The following GRIK4 variants were observed in gnomAD, a reference collection of about 807,000 sequenced individuals.
GRIK4 encodes glutamate ionotropic receptor kainate type subunit 4, also known as glutamate receptor ionotropic, kainate 4.
Under a neutral mutation model 104.9 loss-of-function variants are expected in GRIK4, and 40 were observed. The observed-to-expected ratio is 0.38, with a 90% CI of 0.30 to 0.50. The LOEUF is 0.50. GRIK4 is among the 20% of genes least tolerant of loss of function. The pLI, the probability that GRIK4 is intolerant of heterozygous loss-of-function variation, is 0.93. For missense variants in GRIK4, 1,047 were observed against 1,308.1 expected, an observed-to-expected ratio of 0.80 and a Z score of 3.08; for synonymous variants, 485 against 524.9, an observed-to-expected ratio of 0.92 and a Z score of 1.04.
rs1197479132 is a variant in GRIK4 at position 120,555,281 on chromosome 11, T to G, written c.-159+43394T>G. 6.6e-6 allele frequency among the ~76,000 whole-genome samples: 1 copy of G among 152,180 alleles called. No individual in the cohort carries two copies. The highest frequency in any genetic ancestry group is 1.5e-5 in the Non-Finnish European group (1 of 68,020). On this transcript the variant is annotated intron_variant, in intron 1 of 20. Transcript: ENST00000527524. This position sits in a 1 kb window ranked among gnomAD's most constrained non-coding sequence, Gnocchi z 5.3. ...AGCAAGTGGCTTCCTGTTTATGCAT[T>G]AGGTCTGGGAGCTCTCATTACTGGC...
At position 120,986,024 on chromosome 11, in the gene GRIK4, C is replaced by A. The variant is rs1409285926; in HGVS notation, c.2635C>A (p.Arg879Ser). 6.6e-7 allele frequency: 1 copy of A among 1,525,130 alleles called. No individual in the cohort carries two copies. Among genetic ancestry groups the A allele is most frequent in the Non-Finnish European group, 8.8e-7 (1 of 1,137,532 alleles). The allele number at this position is 1,525,130 out of a possible 1,614,324, so 94.5% of individuals were successfully genotyped here. A position where few individuals can be genotyped will look rare whatever the true frequency, so the allele number is the denominator to read the frequency against. Reference protein sequence around the residue: ...PPPRPPIPEERRPRGTATLSN... With the variant: ...PPPRPPIPEESRPRGTATLSN... ...GCCCCGGCCCCCCATCCCCGAGGAG[C>A]GCCGACCGCGGGGCACGGCGACGCT... The change falls in exon 21 of 21, where the codon CGC becomes AGC. Residue 879 changes from arginine to serine, a missense_variant. Transcript: ENST00000527524.
intron 14 of GRIK4, among the ~76,000 whole-genome samples, chr11:120,951,735 C>A (rs1001541915): frequency 1.1e-4 from 17 of 152,202 alleles, no homozygotes; most frequent in African/African-American, 4.1e-4. Flanking sequence ...AGAGAATATG[C>A]CCTGTCTCCA....
rs540427702 is a variant in GRIK4, at chr11:120,604,841, C to G, written c.-158-48844C>G. Among the ~76,000 whole-genome samples, 5 of 152,280 alleles carry G rather than the reference C, an allele frequency of 3.3e-5. No individual in the cohort carries two copies. In the South Asian group the frequency reaches 1.0e-3, roughly 32 times the overall value. ...CTTGCCTCAGACTTACTTGGAATGG[C>G]CAGAAGTGGGGCCTGGAAGTCTGAT... On this transcript the variant is annotated intron_variant, in intron 1 of 20. Coordinates refer to ENST00000527524, the MANE Select transcript of GRIK4 (RefSeq NM_014619.5).
At chr11:120,882,136 G>A (rs77353111) in intron 11 of GRIK4, among the ~76,000 whole-genome samples, 3,386 of 152,204 alleles carry the variant, frequency 0.022, 113 homozygotes, top group African/African-American at 0.076. Context: ...CCCGGCATCT[G>A]TGCCCTTGAC....
At chr11:120,817,320 C>G (rs1488475000) in intron 5 of GRIK4, among the ~76,000 whole-genome samples, 1 of 152,236 alleles carries the variant, frequency 6.6e-6, no homozygotes, top group Non-Finnish European at 1.5e-5. Context: ...AACTCCTCTG[C>G]CCCTGTGCCA....
At chr11:120,911,483 C>T (rs1404375013) in intron 13 of GRIK4, among the ~76,000 whole-genome samples, 25 of 148,268 alleles carry the variant, frequency 1.7e-4, no homozygotes, top group Middle Eastern at 3.4e-3. Flanking sequence ...GTGATCCGCC[C>T]GTCTCGGCCT....
intron 1 of GRIK4, chr11:120,620,360 C>T (rs1280463992): frequency 1.7e-6 from 1 of 593,056 alleles, no homozygotes; most frequent in Non-Finnish European, 3.1e-6. Flanking sequence ...ACTCACTTGT[C>T]TCGAGCCACC....
At chr11:120,651,136 C>T (rs1949614155) in intron 1 of GRIK4, among the ~76,000 whole-genome samples, 1 of 152,094 alleles carries the variant, frequency 6.6e-6, no homozygotes, top group African/African-American at 2.4e-5. Context: ...GCATGGGAGG[C>T]CATCCTATTG....
chr11:120,967,154 A>C lies in GRIK4; in HGVS notation c.2267-41A>C. 6.3e-7 allele frequency: 1 copy of C among 1,587,570 alleles called. No individual in the cohort carries two copies. The highest frequency in any genetic ancestry group is 1.2e-5 in the South Asian group (1 of 85,618). ...GGAGCAGAGTGACACCTAACAGGGCATTCACAACCTGTGTCCTGGGCTCTC... is the reference window on the plus strand; with the variant it reads ...GGAGCAGAGTGACACCTAACAGGGCCTTCACAACCTGTGTCCTGGGCTCTC... On this transcript the variant is annotated intron_variant, in intron 18 of 20. Transcript: ENST00000527524. The surrounding 1 kb of genome is among the most constrained non-coding windows in gnomAD (Gnocchi z 4.2).
chr11:120,835,844 A>T (rs1400590269), intron 7 of GRIK4, among the ~76,000 whole-genome samples: 3 of 152,140 alleles, frequency 2.0e-5, no homozygotes, highest in Non-Finnish European at 4.4e-5. Flanking sequence ...GGCTAGGGGT[A>T]TTTATGACGG....
chr11:120,732,739 C>T (rs995492093), intron 3 of GRIK4, among the ~76,000 whole-genome samples: 4 of 152,108 alleles, frequency 2.6e-5, no homozygotes, highest in Non-Finnish European at 5.9e-5. Context: ...TGTTTTAAGG[C>T]TTGTTTTGTG....
In GRIK4 at chr11:120,949,036, G is replaced by A. The variant is rs1266039324; in HGVS notation, c.1591-3819G>A. Among the ~76,000 whole-genome samples, 4 of 152,312 alleles carry A rather than the reference G, an allele frequency of 2.6e-5. No homozygotes were observed. The East Asian group carries it at 7.7e-4, about 29-fold the overall frequency. The stretch of plus-strand genomic sequence containing the variant: ...TATTCACTACCTGTCCTGACTGCCT[G>A]GCTCCGGTGTCCCCATGAATCTGGC... On this transcript the variant is annotated intron_variant, in intron 14 of 20. Coordinates refer to ENST00000527524, the MANE Select transcript of GRIK4 (RefSeq NM_014619.5).
chr11:120,754,861 T>A (rs1407863660), intron 3 of GRIK4, among the ~76,000 whole-genome samples: 1 of 152,230 alleles, frequency 6.6e-6, no homozygotes, highest in Non-Finnish European at 1.5e-5. Context: ...TTTTGCCCCT[T>A]TTTAATTGGG....
intron 8 of GRIK4, among the ~76,000 whole-genome samples, chr11:120,838,194 C>A (rs1474182855): frequency 6.6e-6 from 1 of 152,158 alleles, no homozygotes; most frequent in African/African-American, 2.4e-5. Context: ...CCTGTGAAGT[C>A]AGGAGGCCCA....
intron 3 of GRIK4, among the ~76,000 whole-genome samples, chr11:120,682,591 C>CTTTT (rs34209497): frequency 6.9e-6 from 1 of 145,002 alleles, no homozygotes; most frequent in African/African-American, 2.6e-5. Flanking sequence ...TTGCCCCCAT[C>CTTTT]TTTTTTTTTT....
rs74871255 is a variant in GRIK4 at position 120,655,010 on chromosome 11, A to G, written c.-51+1218A>G. Among the ~76,000 whole-genome samples the G allele has an allele frequency of 3.3e-4, 51 of 152,260 alleles. 1 individual carries two copies. In the East Asian group the frequency reaches 9.9e-3, roughly 29 times the overall value. On this transcript the variant is annotated intron_variant, in intron 2 of 20. Transcript: ENST00000527524. ...GTTGTTTGTTTTAACTACAGTGAAT[A>G]TACAAAATGCACACACCAAACTGGG...
At position 120,524,837 on chromosome 11, in the gene GRIK4, G is replaced by C. The variant is rs1489834068; in HGVS notation, c.-159+12950G>C. Among the ~76,000 whole-genome samples, 1 of 152,178 alleles carries C rather than the reference G, an allele frequency of 6.6e-6. No homozygotes were observed. The highest frequency in any genetic ancestry group is 1.5e-5 in the Non-Finnish European group (1 of 68,026). On this transcript the variant is annotated intron_variant, in intron 1 of 20. Coordinates refer to ENST00000527524, the MANE Select transcript of GRIK4 (RefSeq NM_014619.5). This position sits in a 1 kb window ranked among gnomAD's most constrained non-coding sequence, Gnocchi z 4.5. Reference sequence around the variant, plus strand: ...CGTGGCAGGGCACTGGGCAGGTCAGGATTGGGTACTGTGGTGGCAGAGAGC... The same window carrying C: ...CGTGGCAGGGCACTGGGCAGGTCAGCATTGGGTACTGTGGTGGCAGAGAGC...
chr11:120,542,646 G>A (rs2136088956), intron 1 of GRIK4, among the ~76,000 whole-genome samples: 1 of 152,332 alleles, frequency 6.6e-6, no homozygotes, highest in Non-Finnish European at 1.5e-5. Context: ...CAGAGGATCT[G>A]AATAGACATT....
chr11:120,657,630 A>T (rs1026161417), intron 2 of GRIK4, among the ~76,000 whole-genome samples: 1 of 152,244 alleles, frequency 6.6e-6, no homozygotes, highest in Non-Finnish European at 1.5e-5. Context: ...AGGCAGGAAA[A>T]GTGCTGCTCT....
Sources: allele counts gnomAD v4.1 joint callset (sites outside exome capture counted in the v4.1 genomes callset), GRCh38; gene constraint gnomAD v4.1.1; non-coding constraint Gnocchi (gnomAD v3.1); transcripts MANE v1.5; gene names NCBI Gene and HGNC (gene_info 2026-07-23, HGNC 2026-07-21).